NCAM1: variants seen among roughly 807,000 people sequenced by gnomAD.
The protein encoded by NCAM1 is neural cell adhesion molecule 1.
Under a neutral mutation model 109.8 loss-of-function variants are expected in NCAM1, and 14 were observed. The observed-to-expected ratio is 0.13, with a 90% CI of 0.08 to 0.20. The LOEUF (loss-of-function observed/expected upper bound fraction) is 0.20, where lower values mean the gene tolerates loss of function less well. Among genes scored for constraint, NCAM1 ranks in the 10% least tolerant of loss-of-function variants. The probability of loss-of-function intolerance (pLI) is 1.00; values close to 1 mark genes in which losing one functional copy is unlikely to be tolerated. For synonymous variants in NCAM1, 418 were observed against 442.9 expected, an observed-to-expected ratio of 0.94 and a Z score of 0.70; for missense variants, 774 against 1,109.9, an observed-to-expected ratio of 0.70 and a Z score of 4.30.
chr11:112,964,140 G>GTTTTTT (rs1254307069), intron 1 of NCAM1, among the ~76,000 whole-genome samples: 1 of 72,810 alleles, frequency 1.4e-5, no homozygotes, highest in Non-Finnish European at 2.7e-5. Context: ...TTTTTTTTTT[G>GTTTTTT]TTTTTTTTTT....
chr11:113,072,895 G>A (rs1429329710), intron 1 of NCAM1, among the ~76,000 whole-genome samples: 1 of 149,946 alleles, frequency 6.7e-6, no homozygotes, highest in African/African-American at 2.5e-5. Context: ...ATTTTTAAGT[G>A]TACAGTTAAG....
At chr11:113,220,773 AT>A (rs1944670634) in intron 8 of NCAM1, among the ~76,000 whole-genome samples, 1 of 151,554 alleles carries the variant, frequency 6.6e-6, no homozygotes, top group Non-Finnish European at 1.5e-5. Flanking sequence ...CGCCCAGCTA[AT>A]TTTGTGTATT....
chr11:113,113,882 G>C (rs776396499), intron 1 of NCAM1, among the ~76,000 whole-genome samples: 3 of 152,154 alleles, frequency 2.0e-5, no homozygotes, highest in Non-Finnish European at 4.4e-5. Context: ...AATGGATGGA[G>C]ATCCAGGAAG....
Position 112,962,038 on chromosome 11 carries a change from G to C in NCAM1, c.52+374G>C, listed in dbSNP as rs1340924623. ...GGCGGGGCGGGGGAGGTCGCGGCTC[G>C]GGTGGTGCCGCCGCACGGGCTCGGA... On this transcript the variant is annotated intron_variant, in intron 1 of 19. Coordinates refer to ENST00000316851, the MANE Select transcript of NCAM1 (RefSeq NM_181351.5). This position sits in a 1 kb window ranked among gnomAD's most constrained non-coding sequence, Gnocchi z 5.6. 3.9e-5 allele frequency among the ~76,000 whole-genome samples: 6 copies of C among 152,130 alleles called. No homozygotes were observed. Among genetic ancestry groups the C allele is most frequent in the Non-Finnish European group, 7.4e-5 (5 of 67,992 alleles).
intron 1 of NCAM1, among the ~76,000 whole-genome samples, chr11:113,140,754 G>A (rs1264137975): frequency 1.3e-5 from 2 of 152,018 alleles, no homozygotes; most frequent in Non-Finnish European, 2.9e-5. Context: ...AGTAACTTTT[G>A]CGTGTTCTCC....
Position 113,109,214 on chromosome 11 carries a change from G to A in NCAM1, c.53-93165G>A, listed in dbSNP as rs141842290. 5.9e-4 allele frequency among the ~76,000 whole-genome samples: 89 copies of A among 151,772 alleles called. No individual in the cohort carries two copies. In the East Asian group the frequency reaches 0.017, roughly 30 times the overall value. On this transcript the variant is annotated intron_variant, in intron 1 of 19. Coordinates refer to ENST00000316851, the MANE Select transcript of NCAM1 (RefSeq NM_181351.5). ...AATACAAAAATTAACCGGGCGTGGT[G>A]GCATGCACCTGTAGTCCCAGCTACT...
intron 1 of NCAM1, among the ~76,000 whole-genome samples, chr11:113,088,025 C>A (rs1289360426): frequency 6.6e-6 from 1 of 152,188 alleles, no homozygotes; most frequent in Non-Finnish European, 1.5e-5. Flanking sequence ...ACCACCATAA[C>A]AAGTGGTAGC....
At position 113,207,384 on chromosome 11, in the gene NCAM1, A is replaced by T; in HGVS notation, c.746+6A>T. ...CCCACCATGAGCTGGACAAAGTAAG[A>T]AACTGGCTCATACCTTTTATCATGG... On this transcript the variant is annotated splice_donor_region_variant and intron_variant, in intron 6 of 19. Transcript: ENST00000316851. The T allele has an allele frequency of 6.2e-7, 1 of 1,605,120 alleles. No individual in the cohort carries two copies. Among genetic ancestry groups the T allele is most frequent in the Non-Finnish European group, 8.5e-7 (1 of 1,171,906 alleles).
chr11:113,209,042 A>C (rs1944318683), intron 7 of NCAM1, among the ~76,000 whole-genome samples: 1 of 152,226 alleles, frequency 6.6e-6, no homozygotes, highest in Admixed American at 6.5e-5. Flanking sequence ...TCTTGAAAAA[A>C]GAATTGGTTG....
At chr11:113,113,179 C>T (rs894073269) in intron 1 of NCAM1, among the ~76,000 whole-genome samples, 3 of 152,098 alleles carry the variant, frequency 2.0e-5, no homozygotes, top group African/African-American at 7.2e-5. Context: ...AATTAGCTAC[C>T]GTGTTTCATA....
chr11:113,156,676 G>T (rs1942418404), intron 1 of NCAM1, among the ~76,000 whole-genome samples: 1 of 152,166 alleles, frequency 6.6e-6, no homozygotes, highest in South Asian at 2.1e-4. Flanking sequence ...GAATTTTTAT[G>T]GCTCAGGGGA....
chr11:113,053,675 C>T (rs553454636), intron 1 of NCAM1, among the ~76,000 whole-genome samples: 1 of 152,216 alleles, frequency 6.6e-6, no homozygotes, highest in East Asian at 1.9e-4. Context: ...AAACTTTTCC[C>T]AGTACGAATA....
chr11:113,072,005 T>C (rs1001600732), intron 1 of NCAM1, among the ~76,000 whole-genome samples: 103 of 152,048 alleles, frequency 6.8e-4, no homozygotes, highest in African/African-American at 2.4e-3. Flanking sequence ...ATTAGCCAGG[T>C]ATGGTGGTGC....
At chr11:112,971,827 T>C (rs1950890616) in intron 1 of NCAM1, among the ~76,000 whole-genome samples, 1 of 152,166 alleles carries the variant, frequency 6.6e-6, no homozygotes, top group Non-Finnish European at 1.5e-5. Flanking sequence ...TACATTCTAT[T>C]AGTAGACATG....
At chr11:113,154,127 A>G (rs1565467157) in intron 1 of NCAM1, among the ~76,000 whole-genome samples, 1 of 152,250 alleles carries the variant, frequency 6.6e-6, no homozygotes, top group African/African-American at 2.4e-5. Context: ...CAATTGTAGT[A>G]TACAGAATAG....
chr11:113,058,297 A>G (rs1239362339), intron 1 of NCAM1, among the ~76,000 whole-genome samples: 1 of 152,152 alleles, frequency 6.6e-6, no homozygotes, highest in Non-Finnish European at 1.5e-5. Context: ...AAAAGAAAAG[A>G]AAAAAGAAAA....
intron 5 of NCAM1, among the ~76,000 whole-genome samples, chr11:113,206,741 C>A (rs1446794228): frequency 1.3e-5 from 2 of 152,110 alleles, no homozygotes; most frequent in African/African-American, 2.4e-5. Flanking sequence ...CCAAACTCTC[C>A]CCATCTCATT....
rs376865013 is a variant in NCAM1 at position 113,153,170 on chromosome 11, G to A, written c.53-49209G>A. On this transcript the variant is annotated intron_variant, in intron 1 of 19. Coordinates refer to ENST00000316851, the MANE Select transcript of NCAM1 (RefSeq NM_181351.5). ...TGATTCTCCTGCCTCAGCCTCCTGA[G>A]TAGCTGGCACTACAGGCACCCGCCA... 2.5e-3 allele frequency among the ~76,000 whole-genome samples: 387 copies of A among 152,110 alleles called. 1 individual carries two copies. Among genetic ancestry groups the A allele is most frequent in the African/African-American group, 8.9e-3 (371 of 41,482 alleles).
intron 1 of NCAM1, among the ~76,000 whole-genome samples, chr11:113,191,041 G>A (rs538409014): frequency 1.3e-5 from 2 of 152,322 alleles, no homozygotes; most frequent in African/African-American, 2.4e-5. Flanking sequence ...GTTTTAATAA[G>A]GAAAGGTATG....
Sources: gnomAD v4.1 joint callset for allele counts (sites outside exome capture counted in the v4.1 genomes callset) on GRCh38, gnomAD v4.1.1 for gene constraint, Gnocchi (gnomAD v3.1) non-coding constraint, MANE v1.5 for transcripts, NCBI Gene and HGNC (gene_info 2026-07-23, HGNC 2026-07-21) for gene names.